ARK2C: variants seen among roughly 807,000 people sequenced by gnomAD.
The protein encoded by ARK2C is arkadia (RNF111) C-terminal like ring finger ubiquitin ligase 2C.
chr18:46,442,611 A>T, the ARK2C span, among the ~76,000 whole-genome samples: 7,428 of 152,250 alleles, frequency 0.049, 267 homozygotes, highest in Non-Finnish European at 0.072. Flanking sequence ...GTATTTTTAA[A>T]AAGTGTATAT....
chr18:46,421,513 C>CA, the ARK2C span, among the ~76,000 whole-genome samples: 2 of 152,246 alleles, frequency 1.3e-5, no homozygotes, highest in African/African-American at 4.8e-5. Flanking sequence ...ATGCCTTCCA[C>CA]AAAATGCCTT....
chr18:46,337,027 A>G, the ARK2C span: 1 of 985,428 alleles, frequency 1.0e-6, no homozygotes, highest in Non-Finnish European at 1.2e-6. Context: ...ATCTTTGGAC[A>G]TCCGCCCTGG....
At chr18:46,433,139 G>A in the ARK2C span, 2 of 1,426,660 alleles carry the variant, frequency 1.4e-6, no homozygotes, top group South Asian at 1.4e-5. Context: ...GGTCAGTGTG[G>A]CGGCCGCTCG....
At chr18:46,409,398 A>T in the ARK2C span, among the ~76,000 whole-genome samples, 2 of 152,232 alleles carry the variant, frequency 1.3e-5, no homozygotes, top group Non-Finnish European at 2.9e-5. Flanking sequence ...GCCCATCTGC[A>T]GGTAAACGGT....
the ARK2C span, among the ~76,000 whole-genome samples, chr18:46,359,303 C>A: frequency 6.6e-6 from 1 of 152,100 alleles, no homozygotes; most frequent in African/African-American, 2.4e-5. Flanking sequence ...AAGCAGTTCA[C>A]AAAACGATGA....
At chr18:46,358,637 G>A in the ARK2C span, among the ~76,000 whole-genome samples, 3 of 152,116 alleles carry the variant, frequency 2.0e-5, no homozygotes, top group East Asian at 3.9e-4. Context: ...ACCTAGGCTC[G>A]TAGAATGAGC....
chr18:46,373,166 C>G, the ARK2C span, among the ~76,000 whole-genome samples: 1 of 152,264 alleles, frequency 6.6e-6, no homozygotes, highest in Non-Finnish European at 1.5e-5. Context: ...GCCTCCTGCC[C>G]CATTCTCTAG....
chr18:46,438,691 T>G, the ARK2C span, among the ~76,000 whole-genome samples: 1 of 152,208 alleles, frequency 6.6e-6, no homozygotes, highest in Non-Finnish European at 1.5e-5. Context: ...AGGCCTCAGA[T>G]GCACCTGTGA....
the ARK2C span, among the ~76,000 whole-genome samples, chr18:46,417,731 G>A: frequency 5.3e-5 from 8 of 152,206 alleles, no homozygotes; most frequent in East Asian, 3.8e-4. Flanking sequence ...GGCCGGGAGC[G>A]GTGGCTCACG....
the ARK2C span, among the ~76,000 whole-genome samples, chr18:46,407,785 C>A: frequency 7.9e-5 from 12 of 152,294 alleles, no homozygotes; most frequent in African/African-American, 2.6e-4. Flanking sequence ...AGAGAACTTA[C>A]ATTATAGTTG....
chr18:46,400,956 G>A, the ARK2C span, among the ~76,000 whole-genome samples: 70,406 of 151,888 alleles, frequency 0.46, 16,718 homozygotes, highest in African/African-American at 0.56. Context: ...GATGGGATAC[G>A]GGGAACATGA....
At chr18:46,403,510 T>C in the ARK2C span, among the ~76,000 whole-genome samples, 1 of 152,224 alleles carries the variant, frequency 6.6e-6, no homozygotes, top group African/African-American at 2.4e-5. Context: ...ATAACAGTCT[T>C]CAATTTCTTG....
the ARK2C span, chr18:46,433,391 T>G: frequency 5.0e-6 from 8 of 1,613,424 alleles, no homozygotes; most frequent in South Asian, 8.8e-5. Flanking sequence ...CTGCCCACCC[T>G]GCAGTTCCAG....
the ARK2C span, among the ~76,000 whole-genome samples, chr18:46,421,786 C>T: frequency 1.2e-4 from 18 of 152,070 alleles, no homozygotes; most frequent in African/African-American, 3.9e-4. Flanking sequence ...AAGTAGGGTT[C>T]CTTAGGATGC....
the ARK2C span, among the ~76,000 whole-genome samples, chr18:46,399,331 C>T: frequency 6.6e-6 from 1 of 152,174 alleles, no homozygotes; most frequent in South Asian, 2.1e-4. Flanking sequence ...GGGGATCACG[C>T]GGGCATCAAA....
the ARK2C span, among the ~76,000 whole-genome samples, chr18:46,408,589 G>A: frequency 6.6e-6 from 1 of 152,346 alleles, no homozygotes; most frequent in African/African-American, 2.4e-5. Context: ...GCACATCATG[G>A]GAACTGTGGG....
chr18:46,390,358 C>A, the ARK2C span, among the ~76,000 whole-genome samples: 1 of 152,206 alleles, frequency 6.6e-6, no homozygotes, highest in Admixed American at 6.5e-5. Flanking sequence ...AGGAATGGGG[C>A]ATTGTGGAGA....
chr18:46,354,190 T>G, the ARK2C span, among the ~76,000 whole-genome samples: 1 of 152,212 alleles, frequency 6.6e-6, no homozygotes, highest in Non-Finnish European at 1.5e-5. Flanking sequence ...GAAGGGCATG[T>G]ATGTTAGCAG....
chr18:46,456,582 G>A, the ARK2C span: 4 of 1,614,186 alleles, frequency 2.5e-6, no homozygotes. Context: ...CCATGAGCAA[G>A]AAATGCCCCA....
Sources: allele counts gnomAD v4.1 joint callset (sites outside exome capture counted in the v4.1 genomes callset), GRCh38; gene constraint gnomAD v4.1.1; transcripts MANE v1.5; gene names NCBI Gene and HGNC (gene_info 2026-07-23, HGNC 2026-07-21).